The following COL19A1 variants were observed in gnomAD, a reference collection of about 807,000 sequenced individuals.
COL19A1 encodes the protein collagen type XIX alpha 1 chain.
COL19A1 carries 159 observed loss-of-function variants against 190.2 expected under a neutral mutation model. The ratio of observed to expected loss-of-function variants is 0.84; its 90% CI spans 0.73 to 0.95. The LOEUF is 0.95. Ranked by LOEUF, COL19A1 falls within the 40% of genes least tolerant of loss-of-function variation. The pLI is 0.00. For synonymous variants in COL19A1, 509 were observed against 458.9 expected (o/e 1.11, Z -1.39); for missense variants, 1,418 against 1,431.9 (o/e 0.99, Z 0.16).
intron 11 of COL19A1, among the ~76,000 whole-genome samples, chr6:69,991,845 T>C (rs2150074704): frequency 6.6e-6 from 1 of 152,278 alleles, no homozygotes; most frequent in South Asian, 2.1e-4. Context: ...ATGTTGTCTG[T>C]TTACTCTGTG....
rs1031724082 is a variant in COL19A1 at position 70,165,717 on chromosome 6, G to T, written c.2401-224G>T. Reference sequence around the variant, plus strand: ...AAGCTTCGTTTCTAGAGCTCACACAGTGAGAGTCAGAATGGGTATGGGAAA... The same window carrying T: ...AAGCTTCGTTTCTAGAGCTCACACATTGAGAGTCAGAATGGGTATGGGAAA... On this transcript the variant is annotated intron_variant, in intron 36 of 50. Transcript: ENST00000620364. Among the ~76,000 whole-genome samples the T allele has an allele frequency of 3.3e-5, 5 of 152,164 alleles. No homozygotes were observed. In the East Asian group the frequency reaches 9.6e-4, roughly 29 times the overall value.
intron 10 of COL19A1, among the ~76,000 whole-genome samples, chr6:69,961,815 T>A (rs1272764742): frequency 6.6e-6 from 1 of 152,050 alleles, no homozygotes; most frequent in East Asian, 1.9e-4. Flanking sequence ...TATATATATA[T>A]AAAAAACATA....
intron 24 of COL19A1, 113 bp downstream of exon 24, chr6:70,144,376 C>A: frequency 2.3e-6 from 2 of 876,558 alleles, no homozygotes; most frequent in Non-Finnish European, 3.5e-6. Context: ...ACAGATTGTG[C>A]ACATTAACTA....
chr6:69,874,080 A>G (rs1767990799), intron 1 of COL19A1, among the ~76,000 whole-genome samples: 1 of 152,210 alleles, frequency 6.6e-6, no homozygotes, highest in Admixed American at 6.5e-5. Context: ...GAAATGTGGC[A>G]AGTTTTGATG....
At chr6:69,910,386 A>C (rs1224903186) in intron 4 of COL19A1, among the ~76,000 whole-genome samples, 1 of 152,166 alleles carries the variant, frequency 6.6e-6, no homozygotes, top group African/African-American at 2.4e-5. Flanking sequence ...GACATTAAGG[A>C]ATTCACCTAA....
chr6:70,045,667 AG>A (rs766604450), intron 14 of COL19A1, among the ~76,000 whole-genome samples: 66 of 152,224 alleles, frequency 4.3e-4, no homozygotes, highest in Non-Finnish European at 6.9e-4. Context: ...GTTAGGAGTC[AG>A]CCAGAGATTT....
At chr6:69,893,031 C>A (rs919198541) in intron 2 of COL19A1, among the ~76,000 whole-genome samples, 2 of 152,200 alleles carry the variant, frequency 1.3e-5, no homozygotes, top group Non-Finnish European at 2.9e-5. Flanking sequence ...TAGGAGTATA[C>A]CTTACTCAAT....
In COL19A1 at chr6:70,146,765, T is replaced by C. The variant is rs74352237; in HGVS notation, c.1816-47T>C. On this transcript the variant is annotated intron_variant, in intron 26 of 50. Transcript: ENST00000620364. ...TAATTAACAAAATACAGCAGAAAAA[T>C]GTATGTCTCTTGAGCCTTGCAGTAA... The C allele has an allele frequency of 0.053, 84,380 of 1,589,074 alleles. 2,522 individuals carry two copies. Among genetic ancestry groups the C allele is most frequent in the Non-Finnish European group, 0.061 (71,123 of 1,170,050 alleles).
chr6:69,952,962 G>C (rs751037608), intron 9 of COL19A1, among the ~76,000 whole-genome samples: 16 of 152,006 alleles, frequency 1.1e-4, no homozygotes, highest in Admixed American at 2.0e-4. Flanking sequence ...TTATAGGCAA[G>C]TAGTATAAAA....
At chr6:70,190,500 C>T (rs1766798171) in intron 48 of COL19A1, 119 bp downstream of exon 48, 3 of 670,492 alleles carry the variant, frequency 4.5e-6, no homozygotes, top group Non-Finnish European at 7.7e-6. Context: ...CCTTAAGGGG[C>T]AGCCCATTTT....
At chr6:70,099,048 C>A (rs2150184350) in intron 15 of COL19A1, among the ~76,000 whole-genome samples, 1 of 114,680 alleles carries the variant, frequency 8.7e-6, no homozygotes, top group East Asian at 2.4e-4. Context: ...ATAGTGAGAC[C>A]CTGTCTCTAA....
intron 13 of COL19A1, among the ~76,000 whole-genome samples, chr6:70,035,417 T>C (rs1385819733): frequency 6.6e-6 from 1 of 152,218 alleles, no homozygotes; most frequent in Non-Finnish European, 1.5e-5. Context: ...TTACAGTTGA[T>C]GGCAAATGCA....
chr6:70,156,564 C>A, intron 33 of COL19A1, 106 bp from the exon 34 acceptor site: 3 of 1,270,402 alleles, frequency 2.4e-6, no homozygotes, highest in Non-Finnish European at 3.3e-6. Context: ...TGTTCCCTGA[C>A]CCTGTCCAAA....
chr6:70,024,918 G>A (rs1221366156), intron 12 of COL19A1, among the ~76,000 whole-genome samples: 1 of 152,150 alleles, frequency 6.6e-6, no homozygotes, highest in Non-Finnish European at 1.5e-5. Flanking sequence ...TGGTGAAGTG[G>A]GATGAGTTCT....
At chr6:69,946,924 A>G (rs1264920277) in intron 9 of COL19A1, among the ~76,000 whole-genome samples, 2 of 151,924 alleles carry the variant, frequency 1.3e-5, no homozygotes, top group Non-Finnish European at 2.9e-5. Context: ...GATTTTGTAC[A>G]TAAAGTTTTA....
chr6:69,986,690 T>G (rs1337337305), intron 11 of COL19A1, among the ~76,000 whole-genome samples: 1 of 152,182 alleles, frequency 6.6e-6, no homozygotes, highest in Non-Finnish European at 1.5e-5. Context: ...CTACAATTCC[T>G]TAAACTTTCT....
chr6:70,090,511 A>G lies in COL19A1; in HGVS notation c.1225-11658A>G, dbSNP rs377119649. ...TACTTGAATGGCTATGAATTTTGGT[A>G]TTGGACAGTGGGGATCTGGAACAAA... On this transcript the variant is annotated intron_variant, in intron 15 of 50. Transcript: ENST00000620364. Among the ~76,000 whole-genome samples, 14 of 144,764 alleles carry G rather than the reference A, an allele frequency of 9.7e-5. 1 individual carries two copies. Among genetic ancestry groups the G allele is most frequent in the Admixed American group, 7.5e-4 (11 of 14,604 alleles). The allele number at this position is 144,764 out of a possible 152,430, so 95.0% of individuals were successfully genotyped here.
chr6:70,018,327 CAT>C (rs1156943511), intron 11 of COL19A1, among the ~76,000 whole-genome samples: 2 of 152,020 alleles, frequency 1.3e-5, no homozygotes, highest in African/African-American at 4.8e-5. Context: ...AAGCAGAAGT[CAT>C]AATACCAAGG....
At chr6:70,113,862 T>A (rs1485575132) in intron 16 of COL19A1, among the ~76,000 whole-genome samples, 1 of 146,312 alleles carries the variant, frequency 6.8e-6, no homozygotes, top group African/African-American at 2.5e-5. Flanking sequence ...TTTTTTTTTT[T>A]TTTTTGGAGA....
Sources: gnomAD v4.1 joint callset for allele counts (sites outside exome capture counted in the v4.1 genomes callset) on GRCh38, gnomAD v4.1.1 for gene constraint, MANE v1.5 for transcripts, NCBI Gene and HGNC (gene_info 2026-07-23, HGNC 2026-07-21) for gene names.